Variants in PITPNM3 observed in about 807,000 individuals in gnomAD.
PITPNM3 encodes the protein PITPNM family member 3, also known as membrane-associated phosphatidylinositol transfer protein 3.
A neutral mutation model predicts 102.0 loss-of-function variants in PITPNM3; 26 were observed. The observed-to-expected ratio is 0.25, with a 90% CI of 0.19 to 0.35. The LOEUF (loss-of-function observed/expected upper bound fraction) is 0.35, where lower values mean the gene tolerates loss of function less well. PITPNM3 is among the 10% of genes least tolerant of loss of function. The pLI is 1.00. For synonymous variants in PITPNM3, 578 were observed against 558.6 expected, an observed-to-expected ratio of 1.03 and a Z score of -0.49; for missense variants, 1,083 against 1,346.1, an observed-to-expected ratio of 0.80 and a Z score of 3.06.
At chr17:6,514,005 TA>T (rs1266100773) in intron 3 of PITPNM3, among the ~76,000 whole-genome samples, 1 of 152,162 alleles carries the variant, frequency 6.6e-6, no homozygotes, top group Non-Finnish European at 1.5e-5. Flanking sequence ...CAAACCTGCC[TA>T]AACAATTCAA....
intron 10 of PITPNM3, chr17:6,473,313 T>G: frequency 4.3e-6 from 1 of 232,740 alleles, no homozygotes; most frequent in African/African-American, 2.3e-5. Context: ...GTGGAACACT[T>G]CTCTCGCTGA....
In PITPNM3 at chr17:6,519,991, T is replaced by C. The variant is rs558236426; in HGVS notation, c.226+5365A>G. On this transcript the variant is annotated intron_variant, in intron 3 of 19. Coordinates refer to ENST00000262483, the MANE Select transcript of PITPNM3 (RefSeq NM_031220.4). ...AGACTAATAATTTACTTCCAGAATA[T>C]ATATGAAGATCTCCTAAAATCCAAT... Among the ~76,000 whole-genome samples the C allele has an allele frequency of 2.0e-5, 3 of 152,270 alleles. No individual in the cohort carries two copies. In the South Asian group the frequency reaches 6.2e-4, roughly 32 times the overall value.
chr17:6,484,678 A>G (rs1905964718), intron 4 of PITPNM3, among the ~76,000 whole-genome samples: 1 of 152,220 alleles, frequency 6.6e-6, no homozygotes, highest in Non-Finnish European at 1.5e-5. Context: ...AACAACTAGA[A>G]GAGCTGGTGT....
At chr17:6,548,305 C>T (rs992658254) in intron 1 of PITPNM3, among the ~76,000 whole-genome samples, 4 of 152,204 alleles carry the variant, frequency 2.6e-5, no homozygotes, top group Non-Finnish European at 5.9e-5. Flanking sequence ...CCAGCCAAAG[C>T]CCCAGAGGCG....
rs61755429 is a variant in PITPNM3 at position 6,525,366 on chromosome 17, G to A, written c.216C>T (p.Asp72=). The A allele has an allele frequency of 8.5e-4, 1,365 of 1,614,014 alleles. 2 individuals are homozygous for A. Among genetic ancestry groups the A allele is most frequent in the Middle Eastern group, 3.0e-3 (18 of 6,062 alleles). ...VEQIETMGKL[D]EHQGEGTAPC... ...GAAGCAGAGTCTCACCTTGATGCTC[G>A]TCCAGTTTCCCCATGGTCTCGATCT... Residue 72 remains aspartate (D), a synonymous_variant, in exon 3 of 20, where the codon GAC becomes GAT. Coordinates refer to ENST00000262483, the MANE Select transcript of PITPNM3 (RefSeq NM_031220.4).
At position 6,453,132 on chromosome 17, in the gene PITPNM3, TCTC is replaced by T. The variant is rs1913939461; in HGVS notation, c.*2203_*2205del. On this transcript the variant is annotated 3_prime_UTR_variant, in exon 20 of 20. Coordinates refer to ENST00000262483, the MANE Select transcript of PITPNM3 (RefSeq NM_031220.4). ...CTCTCTCTTTCTCTCTCCCTCTCTC[TCTC>T]TCTCTCTCCCTCTCTCTCTTTCTCT... 1 of 149,626 alleles carries T rather than the reference TCTC, an allele frequency of 6.7e-6. No individual in the cohort carries two copies. Among genetic ancestry groups the T allele is most frequent in the African/African-American group, 2.5e-5 (1 of 39,280 alleles). The allele number at this position is 149,626 out of a possible 1,614,324, so 9.3% of individuals were successfully genotyped here. A position where few individuals can be genotyped will look rare whatever the true frequency, so the allele number is the denominator to read the frequency against.
At chr17:6,483,892 G>A (rs1290711718) in intron 5 of PITPNM3, 140 bp from the exon 6 acceptor site, 3 of 806,170 alleles carry the variant, frequency 3.7e-6, no homozygotes, top group Middle Eastern at 6.5e-4. Flanking sequence ...AGAGAAGCAG[G>A]CACTATGTCC....
In PITPNM3 at chr17:6,457,782, C is replaced by T; in HGVS notation, c.2491-60G>A. 1.5e-5 allele frequency: 23 copies of T among 1,547,804 alleles called. No homozygotes were observed. The highest frequency in any genetic ancestry group is 2.0e-5 in the Non-Finnish European group (23 of 1,146,370). On this transcript the variant is annotated intron_variant, in intron 18 of 19. Coordinates refer to ENST00000262483, the MANE Select transcript of PITPNM3 (RefSeq NM_031220.4). This position sits in a 1 kb window ranked among gnomAD's most constrained non-coding sequence, Gnocchi z 4.7. ...GCCAGCCCACCCCCTGGAAAGCCTT[C>T]CCAGGCCAACCCCAGGGGGCCCCTG...
Position 6,451,873 on chromosome 17 carries a change from A to AG in PITPNM3, c.*3464_*3465insC. 1 of 43,936 alleles carries AG rather than the reference A, an allele frequency of 2.3e-5. No individual in the cohort carries two copies. Among genetic ancestry groups the AG allele is most frequent in the African/African-American group, 8.4e-5 (1 of 11,856 alleles). The allele number at this position is 43,936 out of a possible 1,614,324, so 2.7% of individuals were successfully genotyped here. On this transcript the variant is annotated 3_prime_UTR_variant, in exon 20 of 20. Coordinates refer to ENST00000262483, the MANE Select transcript of PITPNM3 (RefSeq NM_031220.4). The stretch of plus-strand genomic sequence containing the variant: ...GGTTTCCAGGGCACTTGGCACCCAA[A>AG]CCCCCCCCCCCCGCCCGCCGATGGG...
intron 3 of PITPNM3, among the ~76,000 whole-genome samples, chr17:6,522,351 G>A (rs1908584193): frequency 6.6e-6 from 1 of 152,064 alleles, no homozygotes; most frequent in African/African-American, 2.4e-5. Context: ...GGAGGGATGA[G>A]AGCAGTCTGA....
In PITPNM3 at chr17:6,472,978, G is replaced by T; in HGVS notation, c.1259-151C>A. 7 of 981,814 alleles carry T rather than the reference G, an allele frequency of 7.1e-6. No homozygotes were observed. The highest frequency in any genetic ancestry group is 1.1e-5 in the Non-Finnish European group (7 of 646,862). The allele number at this position is 981,814 out of a possible 1,614,324, so 60.8% of individuals were successfully genotyped here. A position where few individuals can be genotyped will look rare whatever the true frequency, so the allele number is the denominator to read the frequency against. ...CTCCCCACGGGAACAAAGCCATTAC[G>T]TTCAGTTTGTCTCCCCACCCAGGAG... On this transcript the variant is annotated intron_variant, in intron 10 of 19. Transcript: ENST00000262483. The surrounding 1 kb of genome is among the most constrained non-coding windows in gnomAD (Gnocchi z 4.1).
intron 3 of PITPNM3, among the ~76,000 whole-genome samples, chr17:6,523,466 C>A (rs893183762): frequency 6.6e-6 from 1 of 152,184 alleles, no homozygotes; most frequent in Non-Finnish European, 1.5e-5. Context: ...GCTGTGCTTC[C>A]TCGTCCCCTG....
intron 6 of PITPNM3, chr17:6,480,497 T>C (rs1597373974): frequency 6.6e-6 from 1 of 152,292 alleles, no homozygotes; most frequent in African/African-American, 2.4e-5. Context: ...CGGAGTGCGG[T>C]GCGCCCCACA....
In PITPNM3 at chr17:6,469,513, T is replaced by A. The variant is rs1014347629; in HGVS notation, c.1773+747A>T. 6.6e-6 allele frequency among the ~76,000 whole-genome samples: 1 copy of A among 151,956 alleles called. No homozygotes were observed. The highest frequency in any genetic ancestry group is 1.5e-5 in the Non-Finnish European group (1 of 67,992). On this transcript the variant is annotated intron_variant, in intron 13 of 19. Transcript: ENST00000262483. This position sits in a 1 kb window ranked among gnomAD's most constrained non-coding sequence, Gnocchi z 4.0. ...CACAGAACCACCTTAGTCACTCAAG[T>A]GGGAAACAGGACGTACTGGGCTCCC...
rs946237015 is a variant in PITPNM3 at position 6,500,924 on chromosome 17, C to G, written c.274+2603G>C. Among the ~76,000 whole-genome samples the G allele has an allele frequency of 7.9e-5, 12 of 152,214 alleles. No individual in the cohort carries two copies. In the East Asian group the frequency reaches 1.9e-3, roughly 24 times the overall value. The stretch of plus-strand genomic sequence containing the variant: ...CTCCTGACCTCAGGTGATCCACCCA[C>G]CTCAGCCTCCCAAAGTGCTGGAATT... On this transcript the variant is annotated intron_variant, in intron 4 of 19. Coordinates refer to ENST00000262483, the MANE Select transcript of PITPNM3 (RefSeq NM_031220.4).
At chr17:6,460,992 G>GGTCACGGAAAGCACATCCTC (rs1192300199) in intron 18 of PITPNM3, 3 of 336,618 alleles carry the variant, frequency 8.9e-6, no homozygotes, top group Non-Finnish European at 1.7e-5. Flanking sequence ...AGCACATCCG[G>GGTCACGGAAAGCACATCCTC]GTCACGGAAA....
At chr17:6,553,916 C>T (rs1193023348) in intron 1 of PITPNM3, among the ~76,000 whole-genome samples, 2 of 152,168 alleles carry the variant, frequency 1.3e-5, no homozygotes, top group African/African-American at 4.8e-5. Flanking sequence ...TCCCTCTGTT[C>T]TGAAGCTCAC....
intron 14 of PITPNM3, among the ~76,000 whole-genome samples, chr17:6,467,081 C>G (rs8081640): frequency 9.8e-6 from 1 of 101,592 alleles, no homozygotes; most frequent in Admixed American, 9.9e-5. Flanking sequence ...AAAAAAAAAC[C>G]AAAAAAAAAA....
rs879056505 is a variant in PITPNM3, at chr17:6,451,884, C to A, written c.*3454G>T. 5 of 78,628 alleles carry A rather than the reference C, an allele frequency of 6.4e-5. No homozygotes were observed. Among genetic ancestry groups the A allele is most frequent in the South Asian group, 3.5e-4 (1 of 2,838 alleles). The allele number at this position is 78,628 out of a possible 1,614,324, so 4.9% of individuals were successfully genotyped here. Reference sequence around the variant, plus strand: ...CACTTGGCACCCAAACCCCCCCCCCCCGCCCGCCGATGGGATTCGGTGGGA... The same window carrying A: ...CACTTGGCACCCAAACCCCCCCCCCACGCCCGCCGATGGGATTCGGTGGGA... On this transcript the variant is annotated 3_prime_UTR_variant, in exon 20 of 20. Transcript: ENST00000262483.
Sources: allele counts gnomAD v4.1 joint callset (sites outside exome capture counted in the v4.1 genomes callset), GRCh38; gene constraint gnomAD v4.1.1; non-coding constraint Gnocchi (gnomAD v3.1); transcripts MANE v1.5; gene names NCBI Gene and HGNC (gene_info 2026-07-23, HGNC 2026-07-21).